The following SLC6A11 variants were observed in gnomAD, a reference collection of about 807,000 sequenced individuals.
SLC6A11 encodes solute carrier family 6 member 11.
SLC6A11 carries 25 observed loss-of-function variants against 74.8 expected under a neutral mutation model. The ratio of observed to expected loss-of-function variants is 0.33; its 90% CI spans 0.24 to 0.47. SLC6A11 has a LOEUF of 0.47. Among genes scored for constraint, SLC6A11 ranks in the 20% least tolerant of loss-of-function variants. The pLI is 1.00. For missense variants in SLC6A11, 574 were observed against 837.0 expected (o/e 0.69, Z 3.88); for synonymous variants, 330 against 330.2 (o/e 1.00, Z 0.01).
chr3:10,851,385 T>C (rs1380441340), intron 5 of SLC6A11, among the ~76,000 whole-genome samples: 1 of 146,308 alleles, frequency 6.8e-6, no homozygotes, highest in African/African-American at 2.5e-5. Context: ...TTCAAAGCTC[T>C]AGGACACCGA....
intron 9 of SLC6A11, among the ~76,000 whole-genome samples, chr3:10,928,743 GAGAC>G (rs889722391): frequency 6.6e-6 from 1 of 152,112 alleles, no homozygotes; most frequent in African/African-American, 2.4e-5. Flanking sequence ...GGAGACCACA[GAGAC>G]AGACCAGAGC....
chr3:10,914,326 G>A (rs186056651), intron 7 of SLC6A11, among the ~76,000 whole-genome samples: 3 of 152,284 alleles, frequency 2.0e-5, no homozygotes, highest in East Asian at 1.9e-4. Context: ...AGCTAGCTTA[G>A]CGGTCACATT....
rs1694108003 is a variant in SLC6A11, at chr3:10,819,459, T to G, written c.257-6T>G. The G allele has an allele frequency of 6.2e-7, 1 of 1,608,954 alleles. No homozygotes were observed. Among genetic ancestry groups the G allele is most frequent in the African/African-American group, 1.3e-5 (1 of 74,416 alleles). Reference sequence around the variant, plus strand: ...GTTTTCATTTCATTCCTTTGCATCCTTACAGGGGCATTCCTGATTCCCTAC... The same window carrying G: ...GTTTTCATTTCATTCCTTTGCATCCGTACAGGGGCATTCCTGATTCCCTAC... On this transcript the variant is annotated splice_region_variant and splice_polypyrimidine_tract_variant and intron_variant, in intron 1 of 13. Transcript: ENST00000254488.
intron 8 of SLC6A11, among the ~76,000 whole-genome samples, chr3:10,922,864 G>A (rs2106631828): frequency 6.6e-6 from 1 of 152,212 alleles, no homozygotes; most frequent in South Asian, 2.1e-4. Context: ...GATATTTTAA[G>A]GCTAAAGACA....
chr3:10,854,432 C>T (rs1161822943), intron 5 of SLC6A11, among the ~76,000 whole-genome samples: 1 of 152,186 alleles, frequency 6.6e-6, no homozygotes, highest in Non-Finnish European at 1.5e-5. Context: ...GAATTGTCTC[C>T]TCCAATCCCA....
At chr3:10,923,850 T>C (rs950310497) in intron 8 of SLC6A11, among the ~76,000 whole-genome samples, 3 of 91,418 alleles carry the variant, frequency 3.3e-5, no homozygotes, top group East Asian at 6.7e-4. Context: ...CCAGTAATAA[T>C]ATTGATTGAC....
chr3:10,892,280 C>T (rs921540651), intron 6 of SLC6A11, among the ~76,000 whole-genome samples: 5 of 152,240 alleles, frequency 3.3e-5, no homozygotes, highest in African/African-American at 4.8e-5. Flanking sequence ...CTGAGTCCTG[C>T]ATAATGTTCA....
At chr3:10,907,836 T>C (rs1178384265) in intron 6 of SLC6A11, among the ~76,000 whole-genome samples, 7 of 152,240 alleles carry the variant, frequency 4.6e-5, no homozygotes, top group Non-Finnish European at 8.8e-5. Context: ...TCAGCTAATA[T>C]TATTTCCTAT....
At chr3:10,886,216 A>G (rs113487806) in intron 6 of SLC6A11, among the ~76,000 whole-genome samples, 82 of 152,228 alleles carry the variant, frequency 5.4e-4, no homozygotes, top group African/African-American at 1.9e-3. Context: ...GGCTGGGCTG[A>G]TCCCTGTTAC....
chr3:10,873,539 C>CCTATCCTATCCTATGCCATG (rs1312293835), intron 5 of SLC6A11, among the ~76,000 whole-genome samples: 1 of 146,510 alleles, frequency 6.8e-6, no homozygotes, highest in African/African-American at 2.6e-5. Flanking sequence ...CCTGTCCTAT[C>CCTATCCTATCCTATGCCATG]CTATCCTATC....
intron 4 of SLC6A11, among the ~76,000 whole-genome samples, chr3:10,831,943 T>C (rs1162409076): frequency 1.3e-5 from 2 of 152,186 alleles, no homozygotes; most frequent in Admixed American, 6.5e-5. Context: ...TTCCAGTGAA[T>C]GGAAGATTTT....
chr3:10,816,510 A>G lies in SLC6A11; in HGVS notation c.245A>G (p.Lys82Arg). The change falls in exon 1 of 14, where the codon AAG (lysine) becomes AGG (arginine). Residue 82 changes from lysine to arginine, a missense_variant. This residue lies in a region of SLC6A11 where 215 missense variants were observed against 357.9 expected (regional missense o/e 0.60). Coordinates refer to ENST00000254488, the MANE Select transcript of SLC6A11 (RefSeq NM_014229.3). The surrounding 1 kb of genome is among the most constrained non-coding windows in gnomAD (Gnocchi z 4.2). ...NVWRFPYLCY[K>R]NGGGAFLIPY... is the part of the protein sequence containing the mutation. Reference sequence around the variant, plus strand: ...TGGCGCTTCCCCTACCTGTGCTACAAGAACGGAGGAGGTGAGGTGATAGTG... The same window carrying G: ...TGGCGCTTCCCCTACCTGTGCTACAGGAACGGAGGAGGTGAGGTGATAGTG... 1 of 1,601,088 alleles carries G rather than the reference A, an allele frequency of 6.2e-7. No individual in the cohort carries two copies. The highest frequency in any genetic ancestry group is 8.5e-7 in the Non-Finnish European group (1 of 1,174,010).
At chr3:10,847,988 A>G (rs907541429) in intron 5 of SLC6A11, among the ~76,000 whole-genome samples, 48 of 152,298 alleles carry the variant, frequency 3.2e-4, no homozygotes, top group African/African-American at 1.1e-3. Context: ...TCCAGCTGCA[A>G]CTGGCTTTGT....
At chr3:10,878,710 G>A (rs555582393) in intron 6 of SLC6A11, among the ~76,000 whole-genome samples, 9 of 151,792 alleles carry the variant, frequency 5.9e-5, no homozygotes, top group African/African-American at 2.2e-4. Flanking sequence ...ACCGTGCCTG[G>A]CCCACTCATC....
At chr3:10,902,960 A>G (rs1052447868) in intron 6 of SLC6A11, among the ~76,000 whole-genome samples, 1 of 152,254 alleles carries the variant, frequency 6.6e-6, no homozygotes, top group Non-Finnish European at 1.5e-5. Flanking sequence ...CACCCACCTT[A>G]ACCGTGTGGA....
intron 6 of SLC6A11, among the ~76,000 whole-genome samples, chr3:10,903,363 G>C (rs1695263638): frequency 6.6e-6 from 1 of 152,196 alleles, no homozygotes. Context: ...TTCATGGGTA[G>C]GCGGGACCCT....
intron 5 of SLC6A11, among the ~76,000 whole-genome samples, chr3:10,873,689 CATCCTATCCT>C (rs796960855): frequency 0.039 from 5,197 of 134,660 alleles, 139 homozygotes; most frequent in East Asian, 0.11. Context: ...TATCCCGTCC[CATCCTATCCT>C]ATCCTATCCT....
rs1271446370 is a variant in SLC6A11, at chr3:10,939,190, T to G, written c.*788T>G. The G allele has an allele frequency of 6.6e-6, 1 of 152,288 alleles. No individual in the cohort carries two copies. Among genetic ancestry groups the G allele is most frequent in the Non-Finnish European group, 1.5e-5 (1 of 68,076 alleles). 9.4% of individuals were successfully genotyped at this position (152,288 alleles called of 1,614,324 possible). A position where few individuals can be genotyped will look rare whatever the true frequency, so the allele number is the denominator to read the frequency against. ...CTCCTCCCCACCTGCTTATTTAAAATCAAGTTTATTGTAGAAATGGTGTGG... is the reference window on the plus strand; with the variant it reads ...CTCCTCCCCACCTGCTTATTTAAAAGCAAGTTTATTGTAGAAATGGTGTGG... On this transcript the variant is annotated 3_prime_UTR_variant, in exon 14 of 14. Transcript: ENST00000254488.
At chr3:10,924,552 A>G (rs1695577429) in intron 8 of SLC6A11, among the ~76,000 whole-genome samples, 1 of 152,160 alleles carries the variant, frequency 6.6e-6, no homozygotes, top group South Asian at 2.1e-4. Context: ...GAAAATGGAA[A>G]GGCAAGCCAC....
Sources: gnomAD v4.1 joint callset for allele counts (sites outside exome capture counted in the v4.1 genomes callset) on GRCh38, gnomAD v4.1.1 for gene constraint, gnomAD v4.1.1 regional missense constraint, Gnocchi (gnomAD v3.1) non-coding constraint, MANE v1.5 for transcripts, NCBI Gene and HGNC (gene_info 2026-07-23, HGNC 2026-07-21) for gene names.